MEGF6: variants seen among roughly 807,000 people sequenced by gnomAD.
MEGF6 encodes the protein multiple EGF like domains 6, also known as multiple epidermal growth factor-like domains protein 6.
In MEGF6, 184 loss-of-function variants were observed where a neutral mutation model predicts 207.1. That is an observed-to-expected ratio of 0.89 (90% CI 0.79 to 1.00). The LOEUF (loss-of-function observed/expected upper bound fraction) is 1.00, where lower values mean the gene tolerates loss of function less well. Among genes scored for constraint, MEGF6 ranks in the 50% least tolerant of loss-of-function variants. MEGF6 has a pLI of 0.00. For missense variants in MEGF6, 2,282 were observed against 2,202.9 expected (o/e 1.04, Z -0.72); for synonymous variants, 1,038 against 910.0 (o/e 1.14, Z -2.53).
the MEGF6 span, among the ~76,000 whole-genome samples, chr1:3,617,473 CT>C: frequency 6.6e-6 from 1 of 152,060 alleles, no homozygotes. Flanking sequence ...TCGCTGGGGC[CT>C]GTGGAGGGGT....
chr1:3,518,088 G>A (rs552998954), intron 5 of MEGF6, among the ~76,000 whole-genome samples: 10 of 152,304 alleles, frequency 6.6e-5, no homozygotes, highest in African/African-American at 2.4e-4. Context: ...CTGTTGTTGG[G>A]GGACACTCTG....
chr1:3,554,626 C>T (rs1642982511), intron 4 of MEGF6, among the ~76,000 whole-genome samples: 2 of 152,176 alleles, frequency 1.3e-5, no homozygotes, highest in South Asian at 2.1e-4. Flanking sequence ...ACTGGGCCCC[C>T]CAGGCAGGTG....
At chr1:3,585,036 C>G (rs114325920) in intron 3 of MEGF6, among the ~76,000 whole-genome samples, 3 of 152,050 alleles carry the variant, frequency 2.0e-5, no homozygotes, top group East Asian at 1.9e-4. Context: ...GAGTGACACA[C>G]GTCCTGTGTG....
chr1:3,519,657 C>T (rs1335169389), intron 5 of MEGF6, among the ~76,000 whole-genome samples: 2 of 152,258 alleles, frequency 1.3e-5, no homozygotes, highest in Non-Finnish European at 2.9e-5. Flanking sequence ...ACTGCCTACG[C>T]AGTGCCCGGC....
At chr1:3,606,618 T>C (rs1644252557) in intron 1 of MEGF6, among the ~76,000 whole-genome samples, 1 of 152,210 alleles carries the variant, frequency 6.6e-6, no homozygotes, top group Non-Finnish European at 1.5e-5. Context: ...TTACTGCAGA[T>C]ACTGGGACTG....
chr1:3,537,343 G>C (rs1429720189), intron 4 of MEGF6, among the ~76,000 whole-genome samples: 1 of 152,250 alleles, frequency 6.6e-6, no homozygotes, highest in Non-Finnish European at 1.5e-5. Flanking sequence ...TTGAGGGTAT[G>C]AGAGAAAGGA....
intron 1 of MEGF6, among the ~76,000 whole-genome samples, chr1:3,605,175 CAT>C (rs1269596592): frequency 1.3e-5 from 2 of 151,734 alleles, no homozygotes; most frequent in African/African-American, 4.8e-5. Flanking sequence ...CACCCTTACT[CAT>C]ACTCAGTCAC....
intron 4 of MEGF6, among the ~76,000 whole-genome samples, chr1:3,540,240 C>T (rs1040963222): frequency 1.1e-4 from 17 of 152,196 alleles, no homozygotes; most frequent in Non-Finnish European, 1.6e-4. Flanking sequence ...TCATTAGAGT[C>T]GGAAATGAAA....
At chr1:3,607,435 T>C (rs575258128) in intron 1 of MEGF6, among the ~76,000 whole-genome samples, 48 of 149,396 alleles carry the variant, frequency 3.2e-4, no homozygotes, top group African/African-American at 7.4e-4. Context: ...CCCAACAAAA[T>C]TGATTGATCA....
chr1:3,589,753 C>T (rs1231481435), intron 3 of MEGF6, among the ~76,000 whole-genome samples: 1 of 152,218 alleles, frequency 6.6e-6, no homozygotes, highest in Non-Finnish European at 1.5e-5. Context: ...TCGCCTGCAT[C>T]GGCCCCGTTC....
At chr1:3,607,248 G>T (rs187769402) in intron 1 of MEGF6, among the ~76,000 whole-genome samples, 14 of 149,268 alleles carry the variant, frequency 9.4e-5, no homozygotes, top group Non-Finnish European at 1.9e-4. Context: ...GGACCACCCA[G>T]CAGCCCTTCC....
Position 3,602,545 on chromosome 1 carries a change from C to A in MEGF6, c.187G>T (p.Val63Leu). ...GGCACCGTGTGGCTTAAGGCCTGCA[C>A]GCACGGCTGGCGGCGGCCCACCAGG... ...LTLVGRRQPC[V>L]QALSHTVPVW... The change falls in exon 2 of 37, where the codon GTG (valine) becomes TTG (leucine). Residue 63 changes from valine to leucine, a missense_variant. By Grantham distance (32) the Val-to-Leu change is conservative. Transcript: ENST00000356575. 6.2e-7 allele frequency: 1 copy of A among 1,612,884 alleles called. No homozygotes were observed. The highest frequency in any genetic ancestry group is 8.5e-7 in the Non-Finnish European group (1 of 1,179,766).
chr1:3,523,761 C>T (rs897132880), intron 5 of MEGF6, among the ~76,000 whole-genome samples: 1 of 152,256 alleles, frequency 6.6e-6, no homozygotes, highest in Non-Finnish European at 1.5e-5. Context: ...CAGGTCCCTG[C>T]TGATAACCAC....
intron 17 of MEGF6, 49 bp from the exon 18 acceptor site, chr1:3,501,970 T>C: frequency 3.3e-6 from 4 of 1,209,722 alleles, no homozygotes; most frequent in East Asian, 6.6e-5. Flanking sequence ...TGGAGTGGAC[T>C]GACCAGAGCC....
At chr1:3,619,953 G>T in the MEGF6 span, among the ~76,000 whole-genome samples, 2 of 152,238 alleles carry the variant, frequency 1.3e-5, no homozygotes, top group African/African-American at 4.8e-5. Context: ...CCGAAATGCT[G>T]ATAGTGATAC....
intron 20 of MEGF6, 54 bp from the exon 21 acceptor site, chr1:3,500,818 C>T (rs1226745593): frequency 4.4e-6 from 7 of 1,594,858 alleles, no homozygotes; most frequent in Non-Finnish European, 5.1e-6. Context: ...GCCACGGGCA[C>T]CACAGCCGAG....
rs893296225 is a variant in MEGF6, at chr1:3,494,819, G to A, written c.3872-78C>T. 2.3e-5 allele frequency: 33 copies of A among 1,457,770 alleles called. No homozygotes were observed. The African/African-American group carries it at 3.6e-4, about 16-fold the overall frequency. The allele number at this position is 1,457,770 out of a possible 1,614,324, so 90.3% of individuals were successfully genotyped here. Reference sequence around the variant, plus strand: ...CTCTGGGGATATGTCCCCACAGGCTGACAGTCACTCGGTAAATGCTTCCTG... The same window carrying A: ...CTCTGGGGATATGTCCCCACAGGCTAACAGTCACTCGGTAAATGCTTCCTG... On this transcript the variant is annotated intron_variant, in intron 30 of 36. Coordinates refer to ENST00000356575, the MANE Select transcript of MEGF6 (RefSeq NM_001409.4).
chr1:3,508,470 T>G, intron 13 of MEGF6, 88 bp downstream of exon 13: 11 of 1,491,754 alleles, frequency 7.4e-6, no homozygotes, highest in Non-Finnish European at 1.0e-5. Context: ...CAGGCAGGAG[T>G]AAAACTGAAT....
chr1:3,605,859 G>A (rs972160021), intron 1 of MEGF6, among the ~76,000 whole-genome samples: 5 of 152,198 alleles, frequency 3.3e-5, no homozygotes, highest in South Asian at 4.1e-4. Flanking sequence ...GGCGGAGGCC[G>A]TGCCCACTCT....
Sources: gnomAD v4.1 joint callset for allele counts (sites outside exome capture counted in the v4.1 genomes callset) on GRCh38, gnomAD v4.1.1 for gene constraint, MANE v1.5 for transcripts, NCBI Gene and HGNC (gene_info 2026-07-23, HGNC 2026-07-21) for gene names.